The following ATM variants were observed in gnomAD, a reference collection of about 807,000 sequenced individuals.
ATM encodes ATM serine/threonine kinase, also known as serine-protein kinase ATM.
Under a neutral mutation model 387.0 loss-of-function variants are expected in ATM, and 308 were observed. The observed-to-expected ratio is 0.80, with a 90% CI of 0.73 to 0.87. ATM has a LOEUF of 0.87. Among genes scored for constraint, ATM ranks in the 40% least tolerant of loss-of-function variants. ATM has a pLI of 0.00. For missense variants in ATM, 3,312 were observed against 3,560.9 expected (o/e 0.93, Z 1.78); for synonymous variants, 1,156 against 1,187.3 (o/e 0.97, Z 0.54).
rs776103192 is a variant in ATM, at chr11:108,332,740, G to GT, written c.7789-16dup. 1.6e-5 allele frequency: 26 copies of GT among 1,607,784 alleles called. No individual in the cohort carries two copies. Among genetic ancestry groups the GT allele is most frequent in the Non-Finnish European group, 2.0e-5 (23 of 1,177,866 alleles). ...AATGTTGGGTAGTTCCTTATGTAATGTTTTTTGTTTTTTATTAATAGGATC... is the reference window on the plus strand; with the variant it reads ...AATGTTGGGTAGTTCCTTATGTAATGTTTTTTTGTTTTTTATTAATAGGATC... On this transcript the variant is annotated intron_variant, in intron 52 of 62. Transcript: ENST00000675843.
rs1237858258 is a variant in ATM at position 108,331,463 on chromosome 11, C to T, written c.7535C>T (p.Pro2512Leu). 2 of 1,611,370 alleles carry T rather than the reference C, an allele frequency of 1.2e-6. No individual in the cohort carries two copies. The highest frequency in any genetic ancestry group is 2.7e-5 in the African/African-American group (2 of 74,558). The change falls in exon 51 of 63, where the codon CCA (proline) becomes CTA (leucine). Residue 2512 changes from proline to leucine, a missense_variant. This residue lies in a region of ATM where 1,405 missense variants were observed against 1,604.4 expected (regional missense o/e 0.88). Transcript: ENST00000675843. Reference protein sequence around the residue: ...GMMKRDGMKIPTYKFLPLMYQ... With the variant: ...GMMKRDGMKILTYKFLPLMYQ... ...TGGTAGAGAGACGGAATGAAGATTCCAACATATAAATTTTTGCCTCTTATG... is the reference window on the plus strand; with the variant it reads ...TGGTAGAGAGACGGAATGAAGATTCTAACATATAAATTTTTGCCTCTTATG...
chr11:108,293,907 A>G (rs1197582308), intron 31 of ATM, among the ~76,000 whole-genome samples: 1 of 142,066 alleles, frequency 7.0e-6, no homozygotes, highest in African/African-American at 2.5e-5. Flanking sequence ...ATATATATAT[A>G]TATATATATA....
rs370354306 is a variant in ATM, at chr11:108,292,612, A to G, written c.4437-7A>G. The stretch of plus-strand genomic sequence containing the variant: ...GTTGTTGTTGTTTTTTTTTCTCCCT[A>G]TATTAGGCCTTCTTGTATCATGGAT... On this transcript the variant is annotated splice_polypyrimidine_tract_variant and splice_region_variant and intron_variant, in intron 29 of 62. Transcript: ENST00000675843. The G allele has an allele frequency of 2.2e-5, 36 of 1,612,020 alleles. No individual in the cohort carries two copies. Among genetic ancestry groups the G allele is most frequent in the South Asian group, 9.9e-5 (9 of 90,956 alleles).
chr11:108,358,120 A>C (rs2090248901), intron 61 of ATM, among the ~76,000 whole-genome samples: 1 of 151,530 alleles, frequency 6.6e-6, no homozygotes, highest in Non-Finnish European at 1.5e-5. Flanking sequence ...GGAGCTGAAA[A>C]TCAAGGCTCG....
chr11:108,363,532 T>C lies in ATM; in HGVS notation c.8851-1550T>C, dbSNP rs188194923. ...GCAATGTCTGGAGGCATTTTTATTG[T>C]CACAATTGGGGATGGGAGATGAGGA... On this transcript the variant is annotated intron_variant, in intron 61 of 62. Transcript: ENST00000675843. Among the ~76,000 whole-genome samples, 274 of 152,288 alleles carry C rather than the reference T, an allele frequency of 1.8e-3. 2 individuals carry two copies. Among genetic ancestry groups the C allele is most frequent in the African/African-American group, 6.4e-3 (264 of 41,548 alleles).
At chr11:108,294,683 T>G (rs1260717637) in intron 31 of ATM, among the ~76,000 whole-genome samples, 2 of 152,100 alleles carry the variant, frequency 1.3e-5, no homozygotes, top group Non-Finnish European at 2.9e-5. Context: ...GAGGTAGCAG[T>G]GAGCCTTGAT....
intron 18 of ATM, 102 bp from the exon 19 acceptor site, chr11:108,270,962 G>C (rs1484713757): frequency 2.2e-6 from 2 of 926,250 alleles, no homozygotes; most frequent in Non-Finnish European, 3.4e-6. Context: ...CCAAAGTGCT[G>C]GGATTACAGG....
At chr11:108,239,851 T>G (rs184186977) in intron 5 of ATM, among the ~76,000 whole-genome samples, 138 of 152,352 alleles carry the variant, frequency 9.1e-4, no homozygotes, top group South Asian at 3.9e-3. Flanking sequence ...TGCTGCATAA[T>G]TTTGCTTCTT....
intron 56 of ATM, among the ~76,000 whole-genome samples, chr11:108,337,423 G>A (rs549141659): frequency 8.5e-5 from 13 of 152,334 alleles, no homozygotes; most frequent in African/African-American, 2.6e-4. Flanking sequence ...CTTTGATGTG[G>A]TTAAGATCAT....
chr11:108,229,035 TTTTA>T (rs1439184727), intron 3 of ATM, 139 bp from the exon 4 acceptor site: 17 of 770,176 alleles, frequency 2.2e-5, no homozygotes, highest in Non-Finnish European at 3.4e-5. Flanking sequence ...GATTTAATTG[TTTTA>T]TTTGTTTTTT....
chr11:108,239,677 TGTG>T (rs1210531856), intron 5 of ATM, among the ~76,000 whole-genome samples: 3 of 152,194 alleles, frequency 2.0e-5, no homozygotes, highest in Non-Finnish European at 2.9e-5. Flanking sequence ...TGCTAGATCA[TGTG>T]GTAATTCTAT....
intron 16 of ATM, 30 bp downstream of exon 16, chr11:108,259,105 T>G: frequency 1.3e-6 from 2 of 1,566,950 alleles, no homozygotes; most frequent in Non-Finnish European, 1.8e-6. Flanking sequence ...TGCTATCATA[T>G]TTTGATTCTA....
intron 30 of ATM, 122 bp downstream of exon 30, chr11:108,292,915 ATGATTGG>A: frequency 1.6e-6 from 2 of 1,217,146 alleles, no homozygotes; most frequent in Admixed American, 4.2e-5. Context: ...TTTTTGTAAA[ATGATTGG>A]AAAAATATTC....
intron 33 of ATM, among the ~76,000 whole-genome samples, chr11:108,299,174 TC>T (rs1403505521): frequency 1.3e-5 from 2 of 152,152 alleles, no homozygotes; most frequent in African/African-American, 2.4e-5. Context: ...TGTCCTGTCT[TC>T]ATCTGGTTAG....
chr11:108,306,889 A>C (rs1205666575), intron 37 of ATM, among the ~76,000 whole-genome samples: 3 of 152,296 alleles, frequency 2.0e-5, no homozygotes, highest in South Asian at 2.1e-4. Context: ...AACCTCTCTC[A>C]CGTATTTCAT....
chr11:108,288,344 G>T (rs1379262966), intron 27 of ATM, among the ~76,000 whole-genome samples: 2 of 151,952 alleles, frequency 1.3e-5, no homozygotes, highest in East Asian at 1.9e-4. Flanking sequence ...CAAAGTGCTG[G>T]GTCTACAGGC....
intron 50 of ATM, 85 bp from the exon 51 acceptor site, chr11:108,331,359 C>G (rs1439188496): frequency 2.3e-5 from 35 of 1,521,704 alleles, no homozygotes; most frequent in South Asian, 1.0e-4. Flanking sequence ...TAGAGGAGCA[C>G]TGTCTTAAAA....
Position 108,253,863 on chromosome 11 carries a change from G to A in ATM, c.1948G>A (p.Glu650Lys), listed in dbSNP as rs2135367169. Reference protein sequence around the residue: ...KEELSFSEVEELFLQTTFDKM... With the variant: ...KEELSFSEVEKLFLQTTFDKM... ...AGAACTTTCATTCTCAGAAGTAGAA[G>A]AACTATTTCTTCAGACAACTTTTGA... The change falls in exon 13 of 63, where the codon GAA becomes AAA. Residue 650 changes from glutamate (E) to lysine (K), a missense_variant. Coordinates refer to ENST00000675843, the MANE Select transcript of ATM (RefSeq NM_000051.4). 1 of 1,613,896 alleles carries A rather than the reference G, an allele frequency of 6.2e-7. No homozygotes were observed. Among genetic ancestry groups the A allele is most frequent in the Middle Eastern group, 1.7e-4 (1 of 6,060 alleles).
intron 56 of ATM, among the ~76,000 whole-genome samples, chr11:108,338,132 T>C (rs1321052896): frequency 2.0e-5 from 3 of 152,228 alleles, no homozygotes; most frequent in Non-Finnish European, 4.4e-5. Context: ...GCGGATCACT[T>C]GAGGCCAGGA....
Sources: allele counts gnomAD v4.1 joint callset (sites outside exome capture counted in the v4.1 genomes callset), GRCh38; gene constraint gnomAD v4.1.1; regional missense constraint gnomAD v4.1.1; transcripts MANE v1.5; gene names NCBI Gene and HGNC (gene_info 2026-07-23, HGNC 2026-07-21).